PCDHGB1: variants seen among roughly 807,000 people sequenced by gnomAD.
PCDHGB1 encodes protocadherin gamma-B1.
Under a neutral mutation model 56.6 loss-of-function variants are expected in PCDHGB1, and 34 were observed. That is an observed-to-expected ratio of 0.60 (90% CI 0.46 to 0.80). The LOEUF (loss-of-function observed/expected upper bound fraction) is 0.80, where lower values mean the gene tolerates loss of function less well. Among genes scored for constraint, PCDHGB1 ranks in the 30% least tolerant of loss-of-function variants. PCDHGB1 has a pLI of 0.00. For synonymous variants in PCDHGB1, 561 were observed against 505.9 expected, an observed-to-expected ratio of 1.11 and a Z score of -1.46; for missense variants, 1,278 against 1,204.6, an observed-to-expected ratio of 1.06 and a Z score of -0.90.
intron 1 of PCDHGB1, chr5:141,382,829 T>C: frequency 7.3e-7 from 1 of 1,376,168 alleles, no homozygotes; most frequent in Non-Finnish European, 9.9e-7. Flanking sequence ...GACAGAGGGG[T>C]CCACCCGGAT....
At position 141,485,305 on chromosome 5, in the gene PCDHGB1, T is replaced by C. The variant is rs1344645695; in HGVS notation, c.2410-9502T>C. The C allele has an allele frequency of 3.7e-6, 6 of 1,614,000 alleles. No individual in the cohort carries two copies. In the East Asian group the frequency reaches 1.3e-4, roughly 36 times the overall value. Reference sequence around the variant, plus strand: ...CAGAGGAGTCACAGGAAGGGACTTTTGTAGGGAATGTCGCTCAAGATTTCC... The same window carrying C: ...CAGAGGAGTCACAGGAAGGGACTTTCGTAGGGAATGTCGCTCAAGATTTCC... On this transcript the variant is annotated intron_variant, in intron 1 of 3. Coordinates refer to ENST00000523390, the MANE Select transcript of PCDHGB1 (RefSeq NM_018922.3). This position sits in a 1 kb window ranked among gnomAD's most constrained non-coding sequence, Gnocchi z 5.7.
chr5:141,415,078 G>T (rs780547982), intron 1 of PCDHGB1: 2 of 1,613,376 alleles, frequency 1.2e-6, no homozygotes, highest in Non-Finnish European at 8.5e-7. Context: ...CACGGCGCGA[G>T]CCCTGCTGGA....
intron 1 of PCDHGB1, chr5:141,399,277 G>T: frequency 6.2e-7 from 1 of 1,613,890 alleles, no homozygotes; most frequent in Non-Finnish European, 8.5e-7. Flanking sequence ...TCAATTACAA[G>T]GCGAAGTCCC....
At chr5:141,450,919 G>A (rs1489017891) in intron 1 of PCDHGB1, among the ~76,000 whole-genome samples, 2 of 151,024 alleles carry the variant, frequency 1.3e-5, no homozygotes, top group African/African-American at 4.9e-5. Context: ...CTGCCTCCCA[G>A]ATTCAAGCAA....
intron 1 of PCDHGB1, chr5:141,390,461 C>T: frequency 2.7e-6 from 2 of 738,224 alleles, no homozygotes; most frequent in Non-Finnish European, 4.3e-6. Context: ...AAAGTAGGAG[C>T]AATTGTGTGG....
rs1452737362 is a variant in PCDHGB1, at chr5:141,432,324, A to G, written c.2410-62483A>G. On this transcript the variant is annotated intron_variant, in intron 1 of 3. Transcript: ENST00000523390. The surrounding 1 kb of genome is among the most constrained non-coding windows in gnomAD (Gnocchi z 6.0). ...CTGTATGCGCTGAGCTCCTTCGACTACGAGCAGTTCCGAGACTTGCAAGTG... is the reference window on the plus strand; with the variant it reads ...CTGTATGCGCTGAGCTCCTTCGACTGCGAGCAGTTCCGAGACTTGCAAGTG... 3 of 1,614,058 alleles carry G rather than the reference A, an allele frequency of 1.9e-6. No homozygotes were observed. The highest frequency in any genetic ancestry group is 2.7e-5 in the African/African-American group (2 of 74,910).
At position 141,368,171 on chromosome 5, in the gene PCDHGB1, A is replaced by T. The variant is rs143914194; in HGVS notation, c.2409+15502A>T. ...TTTAAAACCTTGAGCATCAGCTTCAAATAATGACTAAATAAGGGGAAAAGG... is the reference window on the plus strand; with the variant it reads ...TTTAAAACCTTGAGCATCAGCTTCATATAATGACTAAATAAGGGGAAAAGG... On this transcript the variant is annotated intron_variant, in intron 1 of 3. Coordinates refer to ENST00000523390, the MANE Select transcript of PCDHGB1 (RefSeq NM_018922.3). Among the ~76,000 whole-genome samples the T allele has an allele frequency of 3.1e-4, 47 of 152,352 alleles. No homozygotes were observed. In the East Asian group the frequency reaches 8.3e-3, roughly 27 times the overall value.
At chr5:141,478,735 G>T in intron 1 of PCDHGB1, 1 of 1,535,968 alleles carries the variant, frequency 6.5e-7, no homozygotes, top group Non-Finnish European at 8.8e-7. Flanking sequence ...AGTGTGGTTT[G>T]TGGTCCCATT....
At chr5:141,442,202 G>A (rs1033563159) in intron 1 of PCDHGB1, 2 of 153,258 alleles carry the variant, frequency 1.3e-5, no homozygotes, top group African/African-American at 4.8e-5. Context: ...TTTATATCTG[G>A]TGATTGCCTT....
At position 141,413,701 on chromosome 5, in the gene PCDHGB1, C is replaced by T. The variant is rs764950275; in HGVS notation, c.2409+61032C>T. 1.1e-4 allele frequency: 177 copies of T among 1,613,654 alleles called. No individual in the cohort carries two copies. The Admixed American group carries it at 2.9e-3, about 27-fold the overall frequency. On this transcript the variant is annotated intron_variant, in intron 1 of 3. Coordinates refer to ENST00000523390, the MANE Select transcript of PCDHGB1 (RefSeq NM_018922.3). ...CGTGAACTCCCTGCAGAGCTATCAG[C>T]TCAGCCCCAATAAGCACTTCTCCCT...
chr5:141,374,179 C>G, intron 1 of PCDHGB1: 1 of 1,613,664 alleles, frequency 6.2e-7, no homozygotes, highest in East Asian at 2.2e-5. Flanking sequence ...CGCAGATCCG[C>G]TACTCTATTC....
intron 1 of PCDHGB1, among the ~76,000 whole-genome samples, chr5:141,456,073 A>G (rs1490650582): frequency 2.6e-5 from 4 of 151,252 alleles, no homozygotes; most frequent in Non-Finnish European, 5.9e-5. Flanking sequence ...AATTTTTTGT[A>G]TTTTCAGTAG....
intron 1 of PCDHGB1, among the ~76,000 whole-genome samples, chr5:141,363,323 G>T (rs1463680415): frequency 1.3e-5 from 2 of 152,116 alleles, no homozygotes; most frequent in African/African-American, 4.8e-5. Context: ...CTATGAAAGT[G>T]TTATTAAATA....
At chr5:141,394,299 C>T (rs1420097652) in intron 1 of PCDHGB1, 1 of 1,613,884 alleles carries the variant, frequency 6.2e-7, no homozygotes, top group Non-Finnish European at 8.5e-7. Flanking sequence ...CGAGGACACG[C>T]TGCAGGGGGC....
At chr5:141,364,725 G>T (rs775854228) in intron 1 of PCDHGB1, 4 of 1,613,828 alleles carry the variant, frequency 2.5e-6, no homozygotes, top group African/African-American at 1.3e-5. Context: ...AACTTCCCGC[G>T]TTTCCGGGAT....
Position 141,352,216 on chromosome 5 carries a change from C to T in PCDHGB1, c.1956C>T (p.Ala652=), listed in dbSNP as rs200739845. Residue 652 remains alanine (A), a synonymous_variant, in exon 1 of 4, where the codon GCC becomes GCT. Transcript: ENST00000523390. ...ATGGAGGACAGCCGCCACTCTCCGC[C>T]ACCGCCACGCTGCACCTAATCTTCG... ...VRDGGQPPLS[A]TATLHLIFAD... 1.9e-4 allele frequency: 307 copies of T among 1,613,584 alleles called. No individual in the cohort carries two copies. The highest frequency in any genetic ancestry group is 2.9e-4 in the East Asian group (13 of 44,888).
intron 1 of PCDHGB1, chr5:141,399,294 G>T (rs781668632): frequency 6.2e-7 from 1 of 1,613,914 alleles, no homozygotes; most frequent in South Asian, 1.1e-5. Flanking sequence ...TCCCTTTTAA[G>T]ATTATCTCTT....
Position 141,477,426 on chromosome 5 carries a change from T to G in PCDHGB1, c.2410-17381T>G. 1 of 1,614,100 alleles carries G rather than the reference T, an allele frequency of 6.2e-7. No individual in the cohort carries two copies. Among genetic ancestry groups the G allele is most frequent in the East Asian group, 2.2e-5 (1 of 44,874 alleles). The stretch of plus-strand genomic sequence containing the variant: ...GCCCGAGACGCCGGAACCCCTTCCC[T>G]CTCAGCCCTTACAATAGTGCGTGTT... On this transcript the variant is annotated intron_variant, in intron 1 of 3. Coordinates refer to ENST00000523390, the MANE Select transcript of PCDHGB1 (RefSeq NM_018922.3). The surrounding 1 kb of genome is among the most constrained non-coding windows in gnomAD (Gnocchi z 4.9).
chr5:141,421,201 C>A, intron 1 of PCDHGB1: 3 of 1,518,204 alleles, frequency 2.0e-6, no homozygotes, highest in Non-Finnish European at 2.6e-6. Context: ...GCTCGAGAAA[C>A]CGCGGAATAT....
Sources: gnomAD v4.1 joint callset for allele counts (sites outside exome capture counted in the v4.1 genomes callset) on GRCh38, gnomAD v4.1.1 for gene constraint, Gnocchi (gnomAD v3.1) non-coding constraint, MANE v1.5 for transcripts, NCBI Gene and HGNC (gene_info 2026-07-23, HGNC 2026-07-21) for gene names.